Variants in DCLK1 observed in about 807,000 individuals in gnomAD.
DCLK1 encodes the protein doublecortin like kinase 1.
A neutral mutation model predicts 86.2 loss-of-function variants in DCLK1; 16 were observed. That is an observed-to-expected ratio of 0.19 (90% confidence interval 0.13 to 0.28). The LOEUF is 0.28. DCLK1 is among the 10% of genes least tolerant of loss of function. The probability of loss-of-function intolerance (pLI) is 1.00; values close to 1 mark genes in which losing one functional copy is unlikely to be tolerated. For missense variants in DCLK1, 590 were observed against 940.2 expected (o/e 0.63, Z 4.87); for synonymous variants, 369 against 370.5 (o/e 1.00, Z 0.05).
chr13:36,043,270 G>A (rs967603626), intron 3 of DCLK1, among the ~76,000 whole-genome samples: 3 of 151,538 alleles, frequency 2.0e-5, no homozygotes, highest in Admixed American at 6.6e-5. Context: ...AAGAAAGAGA[G>A]TATTCTGAAA....
chr13:36,100,375 T>C (rs1389768887), intron 3 of DCLK1, among the ~76,000 whole-genome samples: 3 of 151,766 alleles, frequency 2.0e-5, no homozygotes, highest in Non-Finnish European at 4.4e-5. Context: ...TGAGATCTTG[T>C]CTCAAACAAA....
chr13:35,958,270 T>C (rs1477942602), intron 3 of DCLK1, among the ~76,000 whole-genome samples: 3 of 3,902 alleles, frequency 7.7e-4, no homozygotes, highest in Non-Finnish European at 1.4e-3. Context: ...ACTATAACCA[T>C]TACCACCATC....
intron 3 of DCLK1, among the ~76,000 whole-genome samples, chr13:36,021,298 A>T (rs1469396853): frequency 6.6e-6 from 1 of 151,476 alleles, no homozygotes; most frequent in Non-Finnish European, 1.5e-5. Flanking sequence ...ACTAGAAAAC[A>T]CTTATTTAAT....
intron 5 of DCLK1, among the ~76,000 whole-genome samples, chr13:35,865,971 C>A (rs1871759324): frequency 6.6e-6 from 1 of 152,102 alleles, no homozygotes; most frequent in South Asian, 2.1e-4. Flanking sequence ...AAATTAGGCA[C>A]TAGATTAATT....
In DCLK1 at chr13:35,769,358, T is replaced by G. The variant is rs1317913349; in HGVS notation, c.*5177A>C. ...ATGCGCCAAGTCCCTACGCACCTTT[T>G]TAGTATGTATGAGCAAAATACTGTT... On this transcript the variant is annotated 3_prime_UTR_variant, in exon 17 of 17. Coordinates refer to ENST00000360631, the MANE Select transcript of DCLK1 (RefSeq NM_001330071.2). The G allele has an allele frequency of 6.6e-6, 1 of 152,246 alleles. No individual in the cohort carries two copies. The highest frequency in any genetic ancestry group is 1.9e-4 in the East Asian group (1 of 5,202). The allele number at this position is 152,246 out of a possible 1,614,324, so 9.4% of individuals were successfully genotyped here. A position where few individuals can be genotyped will look rare whatever the true frequency, so the allele number is the denominator to read the frequency against.
At chr13:35,806,473 C>T (rs2087029918) in intron 14 of DCLK1, among the ~76,000 whole-genome samples, 1 of 152,192 alleles carries the variant, frequency 6.6e-6, no homozygotes, top group Admixed American at 6.5e-5. Flanking sequence ...GAATGCTCTA[C>T]CTGGGTCTTA....
intron 4 of DCLK1, among the ~76,000 whole-genome samples, chr13:35,893,127 C>A (rs193142507): frequency 2.4e-3 from 373 of 152,324 alleles, no homozygotes; most frequent in South Asian, 6.0e-3. Context: ...AGAAATGAGA[C>A]AAAACCAAAG....
intron 11 of DCLK1, among the ~76,000 whole-genome samples, chr13:35,811,507 C>T (rs1285914855): frequency 6.6e-6 from 1 of 151,856 alleles, no homozygotes; most frequent in East Asian, 1.9e-4. Context: ...GCAGTGTCTC[C>T]GATTTATGAA....
At chr13:36,121,549 T>C (rs1390394412) in intron 2 of DCLK1, among the ~76,000 whole-genome samples, 2 of 150,092 alleles carry the variant, frequency 1.3e-5, no homozygotes, top group Admixed American at 1.3e-4. Context: ...ATTGTTATAA[T>C]TGTTCCATTG....
At chr13:35,989,239 T>C (rs1246224760) in intron 3 of DCLK1, among the ~76,000 whole-genome samples, 1 of 152,168 alleles carries the variant, frequency 6.6e-6, no homozygotes, top group African/African-American at 2.4e-5. Context: ...AAAATATCTA[T>C]ACTTTGGAAT....
chr13:35,920,520 T>C (rs1420105881), intron 4 of DCLK1, among the ~76,000 whole-genome samples: 1 of 151,484 alleles, frequency 6.6e-6, no homozygotes, highest in East Asian at 1.9e-4. Flanking sequence ...GAAGCAGGAA[T>C]TGAAGGGAAT....
At chr13:35,909,546 C>T (rs1026428421) in intron 4 of DCLK1, among the ~76,000 whole-genome samples, 1 of 149,016 alleles carries the variant, frequency 6.7e-6, no homozygotes, top group Non-Finnish European at 1.5e-5. Context: ...GAGAAATGGC[C>T]GGAACACTGT....
chr13:35,849,477 A>T (rs1259274513), intron 6 of DCLK1: 2 of 985,262 alleles, frequency 2.0e-6, no homozygotes, highest in Non-Finnish European at 2.4e-6. Flanking sequence ...TTAAACTGTT[A>T]GTGTTTGAAC....
At chr13:36,026,176 T>A (rs975147305) in intron 3 of DCLK1, among the ~76,000 whole-genome samples, 1 of 152,212 alleles carries the variant, frequency 6.6e-6, no homozygotes, top group African/African-American at 2.4e-5. Context: ...CTTCAATGAT[T>A]TTAACATTGG....
At chr13:35,973,802 G>A (rs1879185287) in intron 3 of DCLK1, among the ~76,000 whole-genome samples, 1 of 152,182 alleles carries the variant, frequency 6.6e-6, no homozygotes. Context: ...GCAGAAAACT[G>A]AAGATGTGAG....
In DCLK1 at chr13:35,839,188, C is replaced by T; in HGVS notation, c.1036-12G>A. ...CCATGCTGAGAGCTCTGTAGGGGAA[C>T]AGAAACCGGTAATTCAAAAACTGGG... On this transcript the variant is annotated splice_polypyrimidine_tract_variant and intron_variant, in intron 6 of 16. Transcript: ENST00000360631. 6.4e-7 allele frequency: 1 copy of T among 1,566,664 alleles called. No homozygotes were observed. The highest frequency in any genetic ancestry group is 8.7e-7 in the Non-Finnish European group (1 of 1,154,998).
intron 10 of DCLK1, among the ~76,000 whole-genome samples, chr13:35,825,225 C>A (rs965211108): frequency 4.6e-5 from 7 of 152,192 alleles, no homozygotes; most frequent in Admixed American, 1.3e-4. Context: ...ACCCACATGT[C>A]TCAGTGGAAA....
At chr13:35,861,908 C>G (rs1183588172) in intron 5 of DCLK1, among the ~76,000 whole-genome samples, 1 of 151,728 alleles carries the variant, frequency 6.6e-6, no homozygotes, top group Non-Finnish European at 1.5e-5. Context: ...TGGCGGGCAC[C>G]TGTAGTCCCA....
At chr13:35,939,836 CAA>C (rs1198329166) in intron 4 of DCLK1, among the ~76,000 whole-genome samples, 1 of 152,094 alleles carries the variant, frequency 6.6e-6, no homozygotes, top group Non-Finnish European at 1.5e-5. Flanking sequence ...CCTTATAATC[CAA>C]TTAAAATTTA....
Sources: allele counts gnomAD v4.1 joint callset (sites outside exome capture counted in the v4.1 genomes callset), GRCh38; gene constraint gnomAD v4.1.1; transcripts MANE v1.5; gene names NCBI Gene and HGNC (gene_info 2026-07-23, HGNC 2026-07-21).